CKMT2: variants seen among roughly 807,000 people sequenced by gnomAD.
CKMT2 encodes the protein creatine kinase S-type, mitochondrial.
A neutral mutation model predicts 48.9 loss-of-function variants in CKMT2; 43 were observed. The observed-to-expected ratio is 0.88, with a 90% CI of 0.69 to 1.13. The LOEUF is 1.13. Among genes scored for constraint, CKMT2 ranks in the 50% most tolerant of loss-of-function variants. The pLI is 0.00. For synonymous variants in CKMT2, 206 were observed against 213.0 expected, an observed-to-expected ratio of 0.97 and a Z score of 0.29; for missense variants, 472 against 555.4, an observed-to-expected ratio of 0.85 and a Z score of 1.51.
At chr5:81,257,936 G>A (rs1757074689) in intron 7 of CKMT2, 80 bp downstream of exon 7, 1 of 1,391,944 alleles carries the variant, frequency 7.2e-7, no homozygotes, top group African/African-American at 1.5e-5. Flanking sequence ...AGACACTATG[G>A]TAACTTCCAA....
At chr5:81,251,038 C>A (rs1580444736) in intron 1 of CKMT2, 75 bp from the exon 2 acceptor site, 1 of 1,142,656 alleles carries the variant, frequency 8.8e-7, no homozygotes, top group East Asian at 2.4e-5. Flanking sequence ...CTGCAGTTCT[C>A]TTGCCCATTG....
chr5:81,259,372 T>C, intron 8 of CKMT2, 118 bp downstream of exon 8: 3 of 922,404 alleles, frequency 3.3e-6, no homozygotes, highest in Non-Finnish European at 4.5e-6. Flanking sequence ...ATCTACAATA[T>C]AAAAATAAGA....
intron 4 of CKMT2, chr5:81,254,741 C>A: frequency 3.4e-6 from 2 of 595,854 alleles, no homozygotes; most frequent in Middle Eastern, 4.5e-4. Context: ...AAAGCTACTC[C>A]CTTTTTCATC....
chr5:81,233,450 TGGA>T lies in CKMT2; in HGVS notation c.-21+78_-21+80del, dbSNP rs567850750. 7.2e-5 allele frequency: 68 copies of T among 949,934 alleles called. 1 individual carries two copies. The South Asian group carries it at 3.1e-3, about 44-fold the overall frequency. The allele number at this position is 949,934 out of a possible 1,614,324, so 58.8% of individuals were successfully genotyped here. The stretch of plus-strand genomic sequence containing the variant: ...TGGCTAGAGCCAGTGTGAAGGGCCT[TGGA>T]GGAGTGGATGCCGGGCTGTAGACGG... On this transcript the variant is annotated intron_variant, in intron 1 of 9. Transcript: ENST00000254035.
At position 81,246,090 on chromosome 5, in the gene CKMT2, GCT is replaced by G. The variant is rs995578471; in HGVS notation, c.-20-5016_-20-5015del. ...TGGACAATGTCTAGGGCCTCTGACT[GCT>G]CTCTCTGCTTGCATTCTGCACATGT... On this transcript the variant is annotated intron_variant, in intron 1 of 9. Coordinates refer to ENST00000254035, the MANE Select transcript of CKMT2 (RefSeq NM_001099735.2). 7.2e-5 allele frequency among the ~76,000 whole-genome samples: 11 copies of G among 151,994 alleles called. No individual in the cohort carries two copies. The East Asian group carries it at 1.8e-3, about 24-fold the overall frequency.
At position 81,266,279 on chromosome 5, in the gene CKMT2, T is replaced by A; in HGVS notation, c.*21T>A. On this transcript the variant is annotated 3_prime_UTR_variant, in exon 10 of 10. Coordinates refer to ENST00000254035, the MANE Select transcript of CKMT2 (RefSeq NM_001099735.2). ...AGTAAACTTTCCCTTTCCCAATTTA[T>A]AAATAATCTGTCTGCTGGTACGACA... is the stretch of plus-strand genomic sequence containing the variant. 6.2e-7 allele frequency: 1 copy of A among 1,611,036 alleles called. No individual in the cohort carries two copies. Among genetic ancestry groups the A allele is most frequent in the Non-Finnish European group, 8.5e-7 (1 of 1,177,720 alleles).
chr5:81,233,747 T>G (rs1347470772), intron 1 of CKMT2, among the ~76,000 whole-genome samples: 1 of 152,168 alleles, frequency 6.6e-6, no homozygotes, highest in Non-Finnish European at 1.5e-5. Flanking sequence ...CCCTTGTAAT[T>G]CACAGAGTCT....
Position 81,244,115 on chromosome 5 carries a change from G to A in CKMT2, c.-20-6998G>A, listed in dbSNP as rs186939032. The stretch of plus-strand genomic sequence containing the variant: ...GGAGGAACCAGGGGAGATGTCAACC[G>A]TCTGCCGGTGACTGGGAAGTTTTCT... On this transcript the variant is annotated intron_variant, in intron 1 of 9. Coordinates refer to ENST00000254035, the MANE Select transcript of CKMT2 (RefSeq NM_001099735.2). 22 of 985,336 alleles carry A rather than the reference G, an allele frequency of 2.2e-5. No individual in the cohort carries two copies. In the East Asian group the frequency reaches 3.4e-4, roughly 15 times the overall value. 61.0% of individuals were successfully genotyped at this position (985,336 alleles called of 1,614,324 possible). A position where few individuals can be genotyped will look rare whatever the true frequency, so the allele number is the denominator to read the frequency against.
intron 9 of CKMT2, among the ~76,000 whole-genome samples, chr5:81,265,855 C>CT (rs1757367750): frequency 6.6e-6 from 1 of 152,134 alleles, no homozygotes; most frequent in Admixed American, 6.6e-5. Context: ...TAGACAAACT[C>CT]TGATATTTTA....
At chr5:81,255,361 C>T (rs1271184031) in intron 5 of CKMT2, 147 bp downstream of exon 5, 3 of 682,950 alleles carry the variant, frequency 4.4e-6, no homozygotes, top group South Asian at 1.7e-5. Context: ...AGAGCATCTA[C>T]TTATTCAGTG....
rs1419968269 is a variant in CKMT2 at position 81,263,606 on chromosome 5, G to T, written c.1130G>T (p.Gly377Val). The change falls in exon 9 of 10, where the codon GGT becomes GTT. Residue 377 changes from glycine (G) to valine (V), a missense_variant. Gly to Val is a moderately radical substitution (Grantham distance 109). Coordinates refer to ENST00000254035, the MANE Select transcript of CKMT2 (RefSeq NM_001099735.2). ...GACATTTCCAACATAGATAGAATTG[G>T]TCGATCAGAGGTAACGTCTCTCTCA... ...VYDISNIDRI[G>V]RSEVELVQIV... The T allele has an allele frequency of 1.9e-6, 3 of 1,611,336 alleles. No individual in the cohort carries two copies.
At chr5:81,254,578 G>A (rs1158723183) in intron 4 of CKMT2, 87 bp downstream of exon 4, 5 of 1,145,674 alleles carry the variant, frequency 4.4e-6, no homozygotes, top group African/African-American at 1.5e-5. Context: ...GTTCCCCGCT[G>A]TAAGTCAGAT....
At chr5:81,249,448 T>C (rs1756727762) in intron 1 of CKMT2, among the ~76,000 whole-genome samples, 1 of 152,182 alleles carries the variant, frequency 6.6e-6, no homozygotes, top group Non-Finnish European at 1.5e-5. Flanking sequence ...TCTTTTGTTC[T>C]CTACTCAAAG....
At chr5:81,262,348 T>G (rs1757254624) in intron 8 of CKMT2, among the ~76,000 whole-genome samples, 1 of 152,118 alleles carries the variant, frequency 6.6e-6, no homozygotes, top group Non-Finnish European at 1.5e-5. Context: ...AAATGGGATC[T>G]AATTAAAGAG....
chr5:81,237,172 C>A (rs530400208), intron 1 of CKMT2, among the ~76,000 whole-genome samples: 21 of 152,010 alleles, frequency 1.4e-4, no homozygotes, highest in Non-Finnish European at 2.9e-4. Flanking sequence ...CATTTAAATG[C>A]GAAAAATGTA....
In CKMT2 at chr5:81,252,752, C is replaced by G. The variant is rs778061756; in HGVS notation, c.210C>G (p.Pro70=). 3.7e-6 allele frequency: 6 copies of G among 1,614,232 alleles called. No individual in the cohort carries two copies. Among genetic ancestry groups the G allele is most frequent in the Non-Finnish European group, 5.1e-6 (6 of 1,180,046 alleles). Residue 70 remains proline, a synonymous_variant, in exon 3 of 10, where the codon CCC becomes CCG. Transcript: ENST00000254035. ...ACTGCATGGCCGAGTGCCTCACCCC[C>G]GCCATTTATGCCAAGCTTCGCAACA... ...HNNCMAECLT[P]AIYAKLRNKV...
chr5:81,234,216 G>C (rs991562291), intron 1 of CKMT2, among the ~76,000 whole-genome samples: 5 of 152,010 alleles, frequency 3.3e-5, no homozygotes, highest in African/African-American at 1.2e-4. Context: ...TTGACAAACA[G>C]ACCAAAACCT....
chr5:81,248,808 A>C (rs1756700238), intron 1 of CKMT2, among the ~76,000 whole-genome samples: 1 of 152,208 alleles, frequency 6.6e-6, no homozygotes, highest in Non-Finnish European at 1.5e-5. Context: ...TGTTACTTGC[A>C]CACATAAACA....
chr5:81,260,390 A>AGAG (rs1369091885), intron 8 of CKMT2, among the ~76,000 whole-genome samples: 2 of 152,222 alleles, frequency 1.3e-5, no homozygotes, highest in Non-Finnish European at 2.9e-5. Context: ...TGAAGGAGAT[A>AGAG]GAGACACAAA....
Sources: allele counts gnomAD v4.1 joint callset (sites outside exome capture counted in the v4.1 genomes callset), GRCh38; gene constraint gnomAD v4.1.1; transcripts MANE v1.5; gene names NCBI Gene and HGNC (gene_info 2026-07-23, HGNC 2026-07-21).